SUSD1: variants seen among roughly 807,000 people sequenced by gnomAD.
The protein encoded by SUSD1 is sushi domain containing 1.
In SUSD1, 65 loss-of-function variants were observed where a neutral mutation model predicts 86.9. The ratio of observed to expected loss-of-function variants is 0.75; its 90% CI spans 0.61 to 0.92. The LOEUF (loss-of-function observed/expected upper bound fraction) is 0.92, where lower values mean the gene tolerates loss of function less well. Ranked by LOEUF, SUSD1 falls within the 40% of genes least tolerant of loss-of-function variation. SUSD1 has a pLI of 0.00. For missense variants in SUSD1, 850 were observed against 929.7 expected (o/e 0.91, Z 1.11); for synonymous variants, 346 against 350.0 (o/e 0.99, Z 0.13).
In SUSD1 at chr9:112,112,846, A is replaced by C. The variant is rs759579662; in HGVS notation, c.909T>G (p.Asp303Glu). Residue 303 changes from aspartate to glutamate, a missense_variant, in exon 7 of 17, where the codon GAT becomes GAG. By Grantham distance (45) the Asp-to-Glu change is conservative (BLOSUM62 2). Transcript: ENST00000374270. ...TCTEILTKIN[D>E]VSLFNDTCVR... ...CACAGGTATCATTAAACAGTGATAC[A>C]TCATTAATCTTTGTCAGAATTTCTA... 4.3e-6 allele frequency: 7 copies of C among 1,611,324 alleles called. No homozygotes were observed. The highest frequency in any genetic ancestry group is 3.3e-5 in the Admixed American group (2 of 60,000).
At chr9:112,131,230 C>G (rs1228090350) in intron 5 of SUSD1, among the ~76,000 whole-genome samples, 3 of 152,194 alleles carry the variant, frequency 2.0e-5, no homozygotes. Flanking sequence ...CCACGAAGGG[C>G]TCCACCTAGG....
At chr9:112,105,638 G>C (rs1251201291) in intron 8 of SUSD1, among the ~76,000 whole-genome samples, 1 of 152,152 alleles carries the variant, frequency 6.6e-6, no homozygotes, top group African/African-American at 2.4e-5. Context: ...AGAATCTCTT[G>C]AACACAGGAG....
chr9:112,042,147 T>C (rs1238121241), intron 15 of SUSD1, 187 bp from the exon 16 acceptor site: 2 of 1,538,378 alleles, frequency 1.3e-6, no homozygotes, highest in Non-Finnish European at 1.7e-6. Context: ...CCTCAGGAAA[T>C]TACAGTTACA....
At position 112,062,923 on chromosome 9, in the gene SUSD1, G is replaced by C; in HGVS notation, c.1850+14C>G. On this transcript the variant is annotated intron_variant, in intron 13 of 16. Coordinates refer to ENST00000374270, the MANE Select transcript of SUSD1 (RefSeq NM_022486.5). ...GGATCACTGGGCAACCGTGGAGAAA[G>C]GACAGCTACTGACCTGATTGGTCCA... 1 of 1,567,224 alleles carries C rather than the reference G, an allele frequency of 6.4e-7. No homozygotes were observed. Among genetic ancestry groups the C allele is most frequent in the Non-Finnish European group, 8.8e-7 (1 of 1,141,344 alleles).
chr9:112,169,616 C>T (rs990499702), intron 1 of SUSD1, among the ~76,000 whole-genome samples: 1 of 152,014 alleles, frequency 6.6e-6, no homozygotes, highest in African/African-American at 2.4e-5. Context: ...ACTCACTTAA[C>T]CCCTACCGGT....
chr9:112,051,863 T>C (rs1174079336), intron 15 of SUSD1, among the ~76,000 whole-genome samples: 1 of 152,114 alleles, frequency 6.6e-6, no homozygotes, highest in African/African-American at 2.4e-5. Context: ...AGTGGACCTA[T>C]TGTTCACACT....
At chr9:112,166,530 G>C (rs1217106922) in intron 1 of SUSD1, among the ~76,000 whole-genome samples, 1 of 152,198 alleles carries the variant, frequency 6.6e-6, no homozygotes, top group African/African-American at 2.4e-5. Flanking sequence ...TCAGGGACTG[G>C]AGTCAGAATC....
chr9:112,164,753 G>C (rs953009618), intron 1 of SUSD1, among the ~76,000 whole-genome samples: 1 of 152,038 alleles, frequency 6.6e-6, no homozygotes, highest in African/African-American at 2.4e-5. Flanking sequence ...GATCATCCTG[G>C]CTAACACGGT....
intron 8 of SUSD1, among the ~76,000 whole-genome samples, chr9:112,104,279 A>G (rs1830744325): frequency 6.6e-6 from 1 of 151,920 alleles, no homozygotes; most frequent in African/African-American, 2.4e-5. Flanking sequence ...CAGTCTCCCA[A>G]AGTGCTGGGA....
intron 10 of SUSD1, among the ~76,000 whole-genome samples, chr9:112,089,137 A>G (rs1830100255): frequency 1.3e-5 from 2 of 152,272 alleles, no homozygotes; most frequent in South Asian, 4.1e-4. Flanking sequence ...ACAAACAAAA[A>G]ACCTGACAAA....
chr9:112,078,431 A>G, intron 12 of SUSD1, 107 bp downstream of exon 12: 4 of 1,118,794 alleles, frequency 3.6e-6, no homozygotes, highest in Non-Finnish European at 5.1e-6. Flanking sequence ...TCTCCCTGTT[A>G]AAGTTCATTA....
chr9:112,162,513 C>T (rs780277427), intron 1 of SUSD1, among the ~76,000 whole-genome samples: 10 of 152,090 alleles, frequency 6.6e-5, no homozygotes, highest in Non-Finnish European at 1.0e-4. Context: ...TATAAACACG[C>T]GGTTCAAAGG....
chr9:112,131,502 A>C (rs1296888490), intron 5 of SUSD1, among the ~76,000 whole-genome samples: 1 of 152,098 alleles, frequency 6.6e-6, no homozygotes, highest in African/African-American at 2.4e-5. Flanking sequence ...CTAGAACATG[A>C]CCCTGTCACA....
At position 112,058,658 on chromosome 9, in the gene SUSD1, C is replaced by T. The variant is rs1297723058; in HGVS notation, c.1879G>A (p.Ala627Thr). ...SSYQVLVLPL[A>T]LQSTFSCDSE... ...TCACAAGAAAATGTGCTTTGGAGGG[C>T]CAGGGGAAGCACTAACACCTGATAT... Residue 627 changes from alanine (A) to threonine (T), a missense_variant, in exon 14 of 17, where the codon GCC becomes ACC. Physicochemically the swap from Ala to Thr is moderately conservative, Grantham distance 58. Transcript: ENST00000374270. 1 of 1,614,066 alleles carries T rather than the reference C, an allele frequency of 6.2e-7. No homozygotes were observed. Among genetic ancestry groups the T allele is most frequent in the Non-Finnish European group, 8.5e-7 (1 of 1,179,988 alleles).
intron 1 of SUSD1, chr9:112,169,463 C>G (rs1408617381): frequency 6.6e-6 from 1 of 152,018 alleles, no homozygotes; most frequent in Non-Finnish European, 1.5e-5. Flanking sequence ...AAAAATGGCT[C>G]ACACGACCCA....
At chr9:112,132,057 T>C (rs2131715468) in intron 5 of SUSD1, among the ~76,000 whole-genome samples, 1 of 152,310 alleles carries the variant, frequency 6.6e-6, no homozygotes, top group Middle Eastern at 3.4e-3. Flanking sequence ...AAGGAAATAT[T>C]CCAGAAGGAA....
At chr9:112,089,518 T>G (rs1296184256) in intron 10 of SUSD1, among the ~76,000 whole-genome samples, 2 of 151,862 alleles carry the variant, frequency 1.3e-5, no homozygotes, top group East Asian at 3.9e-4. Flanking sequence ...AAGGATATAA[T>G]AGTTATGAAA....
intron 5 of SUSD1, among the ~76,000 whole-genome samples, chr9:112,140,929 C>T (rs928572832): frequency 9.2e-5 from 14 of 151,976 alleles, no homozygotes; most frequent in Non-Finnish European, 1.6e-4. Context: ...AACTATAACA[C>T]AATAAGAAGT....
At position 112,119,785 on chromosome 9, in the gene SUSD1, C is replaced by T. The variant is rs190932615; in HGVS notation, c.886+4472G>A. Among the ~76,000 whole-genome samples, 23 of 152,164 alleles carry T rather than the reference C, an allele frequency of 1.5e-4. 1 individual carries two copies. Among genetic ancestry groups the T allele is most frequent in the Middle Eastern group, 3.4e-3 (1 of 294 alleles). ...GAGTTTCCAGTCCAAACTGGCCTGG[C>T]GGGGAAGGAGGGGGCAGGAAAAAAT... On this transcript the variant is annotated intron_variant, in intron 6 of 16. Coordinates refer to ENST00000374270, the MANE Select transcript of SUSD1 (RefSeq NM_022486.5).
Sources: gnomAD v4.1 joint callset for allele counts (sites outside exome capture counted in the v4.1 genomes callset) on GRCh38, gnomAD v4.1.1 for gene constraint, MANE v1.5 for transcripts, NCBI Gene and HGNC (gene_info 2026-07-23, HGNC 2026-07-21) for gene names.